The following TREM1 variants were observed in gnomAD, a reference collection of about 807,000 sequenced individuals.
TREM1 encodes the protein triggering receptor expressed on monocytes 1.
Under a neutral mutation model 22.4 loss-of-function variants are expected in TREM1, and 16 were observed. That is an observed-to-expected ratio of 0.71 (90% confidence interval 0.48 to 1.08). The LOEUF (loss-of-function observed/expected upper bound fraction) is 1.08, where lower values mean the gene tolerates loss of function less well. Ranked by LOEUF, TREM1 falls within the 50% of genes least tolerant of loss-of-function variation. TREM1 has a pLI of 0.00. For missense variants in TREM1, 283 were observed against 282.9 expected (o/e 1.00, Z 0.00); for synonymous variants, 110 against 111.6 (o/e 0.99, Z 0.09).
downstream of TREM1, among the ~76,000 whole-genome samples, chr6:41,270,437 A>G (rs1480441891): frequency 7.4e-5 from 6 of 80,578 alleles, no homozygotes; most frequent in African/African-American, 1.1e-4. Context: ...CATATATATG[A>G]TATTATATAA....
At chr6:41,280,813 C>G (rs1347389613) in intron 3 of TREM1, 148 bp downstream of exon 3, 6 of 1,492,984 alleles carry the variant, frequency 4.0e-6, no homozygotes, top group Non-Finnish European at 5.4e-6. Flanking sequence ...CCTTCTTCCC[C>G]TGGACATTTC....
downstream of TREM1, among the ~76,000 whole-genome samples, chr6:41,271,346 C>T (rs1175713760): frequency 2.0e-5 from 3 of 152,152 alleles, no homozygotes; most frequent in Admixed American, 1.3e-4. Flanking sequence ...GGAAACTGAG[C>T]CTAATAGAGG....
intron 1 of TREM1, among the ~76,000 whole-genome samples, chr6:41,284,501 T>C (rs1450049567): frequency 6.6e-6 from 1 of 152,060 alleles, no homozygotes; most frequent in Non-Finnish European, 1.5e-5. Flanking sequence ...AGGTCCGTGT[T>C]TTCAGCTGGA....
At chr6:41,267,744 A>G (rs963791773), downstream of TREM1, among the ~76,000 whole-genome samples, 1 of 152,208 alleles carries the variant, frequency 6.6e-6, no homozygotes, top group Non-Finnish European at 1.5e-5. Context: ...AAAAATACAC[A>G]TTAAGAAAAC....
chr6:41,279,956 C>T (rs1305849033), intron 3 of TREM1: 1 of 977,250 alleles, frequency 1.0e-6, no homozygotes, highest in Non-Finnish European at 1.2e-6. Flanking sequence ...AACACTATAT[C>T]AATGTCTAAG....
At chr6:41,279,524 AAT>A in intron 3 of TREM1, 1 of 985,336 alleles carries the variant, frequency 1.0e-6, no homozygotes, top group African/African-American at 1.7e-5. Flanking sequence ...GAAAAAAAAA[AAT>A]TGACTCTTAG....
chr6:41,286,202 C>A lies in TREM1; in HGVS notation c.49+405G>T, dbSNP rs372602284. Among the ~76,000 whole-genome samples, 30 of 152,272 alleles carry A rather than the reference C, an allele frequency of 2.0e-4. No individual in the cohort carries two copies. In the East Asian group the frequency reaches 3.9e-3, roughly 20 times the overall value. ...AGTATATTTGCTGTCCCATAGTAGA[C>A]CCCTGGGAAATATTTGTTAAATCAA... is the stretch of plus-strand genomic sequence containing the variant. On this transcript the variant is annotated intron_variant, in intron 1 of 3. Coordinates refer to ENST00000244709, the MANE Select transcript of TREM1 (RefSeq NM_018643.5).
chr6:41,270,867 A>C (rs532322441), downstream of TREM1, among the ~76,000 whole-genome samples: 1 of 152,186 alleles, frequency 6.6e-6, no homozygotes, highest in Admixed American at 6.5e-5. Flanking sequence ...CACCATGTCC[A>C]GCTAACTTTT....
In TREM1 at chr6:41,274,520, A is replaced by G. The variant is rs1041842072; in HGVS notation, c.*1605T>C. Reference sequence around the variant, plus strand: ...TTATTATAAACACTGCATCCTGTACAGTCACTGCCTCTGAGCTGCTTGGTT... The same window carrying G: ...TTATTATAAACACTGCATCCTGTACGGTCACTGCCTCTGAGCTGCTTGGTT... On this transcript the variant is annotated 3_prime_UTR_variant, in exon 4 of 4. Transcript: ENST00000244709. Among the ~76,000 whole-genome samples the G allele has an allele frequency of 6.6e-6, 1 of 152,282 alleles. No individual in the cohort carries two copies. The highest frequency in any genetic ancestry group is 1.9e-4 in the East Asian group (1 of 5,176).
downstream of TREM1, among the ~76,000 whole-genome samples, chr6:41,268,900 T>C (rs1767404359): frequency 6.6e-6 from 1 of 152,224 alleles, no homozygotes; most frequent in Non-Finnish European, 1.5e-5. Flanking sequence ...TATCCTTGGA[T>C]GTTTCTCAAG....
intron 2 of TREM1, 187 bp from the exon 3 acceptor site, chr6:41,281,340 G>T: frequency 1.5e-6 from 1 of 679,846 alleles, no homozygotes; most frequent in Non-Finnish European, 2.4e-6. Flanking sequence ...CTTTGCTAAA[G>T]CCAAAGAAAT....
chr6:41,272,328 C>G (rs1195425801), downstream of TREM1, among the ~76,000 whole-genome samples: 1 of 152,186 alleles, frequency 6.6e-6, no homozygotes, highest in Admixed American at 6.5e-5. Context: ...CACCAACCTC[C>G]TCATCACTGA....
At chr6:41,284,021 G>A (rs186217860) in intron 1 of TREM1, among the ~76,000 whole-genome samples, 30 of 151,014 alleles carry the variant, frequency 2.0e-4, no homozygotes, top group Admixed American at 6.6e-4. Context: ...AAAAACCCAC[G>A]TTATCTGAGT....
intron 3 of TREM1, among the ~76,000 whole-genome samples, chr6:41,278,752 G>C (rs1561918972): frequency 6.6e-6 from 1 of 152,146 alleles, no homozygotes; most frequent in African/African-American, 2.4e-5. Flanking sequence ...TGAAAGGATA[G>C]TTCATATTAG....
chr6:41,271,717 C>A (rs987390658), downstream of TREM1, among the ~76,000 whole-genome samples: 1 of 152,188 alleles, frequency 6.6e-6, no homozygotes, highest in Non-Finnish European at 1.5e-5. Context: ...TGTTTCATCG[C>A]CCAGTCCCTC....
intron 3 of TREM1, chr6:41,280,102 A>G: frequency 1.1e-6 from 1 of 935,856 alleles, no homozygotes; most frequent in South Asian, 4.9e-5. Context: ...AAACATGTAT[A>G]ATTAGACTTA....
Position 41,273,996 on chromosome 6 carries a change from A to G in TREM1, c.*2129T>C, listed in dbSNP as rs1767568742. Reference sequence around the variant, plus strand: ...CCAGGCAGGATGGGGAGGATGGAGCATGGCGTGGCCTGTAAGTGCAAATGG... The same window carrying G: ...CCAGGCAGGATGGGGAGGATGGAGCGTGGCGTGGCCTGTAAGTGCAAATGG... On this transcript the variant is annotated 3_prime_UTR_variant, in exon 4 of 4. Coordinates refer to ENST00000244709, the MANE Select transcript of TREM1 (RefSeq NM_018643.5). 6.6e-6 allele frequency among the ~76,000 whole-genome samples: 1 copy of G among 152,230 alleles called. No individual in the cohort carries two copies. The highest frequency in any genetic ancestry group is 1.9e-4 in the East Asian group (1 of 5,200).
chr6:41,276,990 A>G (rs1165531715), intron 3 of TREM1, among the ~76,000 whole-genome samples: 2 of 152,174 alleles, frequency 1.3e-5, no homozygotes, highest in African/African-American at 2.4e-5. Flanking sequence ...CTGGACAGCA[A>G]CATGGTAACG....
At chr6:41,278,284 G>A (rs1424811577) in intron 3 of TREM1, among the ~76,000 whole-genome samples, 2 of 152,092 alleles carry the variant, frequency 1.3e-5, no homozygotes, top group Non-Finnish European at 2.9e-5. Flanking sequence ...TAGAGATAGG[G>A]TGATAGTGGC....
Sources: allele counts gnomAD v4.1 joint callset (sites outside exome capture counted in the v4.1 genomes callset), GRCh38; gene constraint gnomAD v4.1.1; transcripts MANE v1.5; gene names NCBI Gene and HGNC (gene_info 2026-07-23, HGNC 2026-07-21).